The following RANBP2 variants were observed in gnomAD, a reference collection of about 807,000 sequenced individuals.
RANBP2 encodes the protein RAN binding protein 2.
In RANBP2, 57 loss-of-function variants were observed where a neutral mutation model predicts 303.6. The ratio of observed to expected loss-of-function variants is 0.19; its 90% confidence interval spans 0.15 to 0.23. The LOEUF (loss-of-function observed/expected upper bound fraction) is 0.23, where lower values mean the gene tolerates loss of function less well. RANBP2 is among the 10% of genes least tolerant of loss of function. The pLI is 1.00. For missense variants in RANBP2, 3,138 were observed against 3,780.8 expected (o/e 0.83, Z 4.46); for synonymous variants, 1,167 against 1,301.5 (o/e 0.90, Z 2.23).
At chr2:109,359,491 T>C in the RANBP2 span, among the ~76,000 whole-genome samples, 1 of 152,360 alleles carries the variant, frequency 6.6e-6, no homozygotes, top group South Asian at 2.1e-4. Context: ...ACATATTTTG[T>C]TACACTTATA....
the RANBP2 span, among the ~76,000 whole-genome samples, chr2:109,282,629 G>T: frequency 5.3e-5 from 8 of 152,334 alleles, no homozygotes; most frequent in African/African-American, 1.9e-4. Flanking sequence ...TCTCGCCTCC[G>T]TGGTGGGAGA....
the RANBP2 span, among the ~76,000 whole-genome samples, chr2:109,335,747 C>T: frequency 1.1e-4 from 16 of 152,346 alleles, no homozygotes; most frequent in East Asian, 9.6e-4. Flanking sequence ...CCACAAGTAA[C>T]GGGCACTCAT....
At chr2:109,130,163 G>A in the RANBP2 span, 1 of 1,261,812 alleles carries the variant, frequency 7.9e-7, no homozygotes, top group Non-Finnish European at 1.0e-6. Flanking sequence ...GAGTGTGTGG[G>A]TGGGTGCTTG....
chr2:109,266,268 A>G, the RANBP2 span, among the ~76,000 whole-genome samples: 177 of 149,968 alleles, frequency 1.2e-3, 1 homozygote, highest in Non-Finnish European at 2.4e-3. Context: ...TTGTGCGTGC[A>G]TGTGTTATTT....
chr2:109,644,326 G>A, the RANBP2 span, among the ~76,000 whole-genome samples: 1 of 151,990 alleles, frequency 6.6e-6, no homozygotes, highest in Non-Finnish European at 1.5e-5. Context: ...TCAGACTCCA[G>A]TCTCCTGCAC....
At chr2:109,039,828 C>A in the RANBP2 span, among the ~76,000 whole-genome samples, 1 of 151,690 alleles carries the variant, frequency 6.6e-6, no homozygotes, top group Non-Finnish European at 1.5e-5. Flanking sequence ...TTATGTGTAT[C>A]TTTTTTGTAA....
chr2:108,898,114 A>ATAATTGC, the RANBP2 span, among the ~76,000 whole-genome samples: 2 of 152,176 alleles, frequency 1.3e-5, no homozygotes, highest in Non-Finnish European at 2.9e-5. Flanking sequence ...CATTTAGACA[A>ATAATTGC]TAATTGCTCT....
the RANBP2 span, among the ~76,000 whole-genome samples, chr2:108,959,598 C>A: frequency 3.3e-5 from 5 of 152,256 alleles, no homozygotes; most frequent in Admixed American, 3.3e-4. Flanking sequence ...GGAGCTGGGG[C>A]CTCACACACC....
chr2:109,431,473 T>C, the RANBP2 span, among the ~76,000 whole-genome samples: 5 of 152,170 alleles, frequency 3.3e-5, no homozygotes, highest in African/African-American at 1.2e-4. Flanking sequence ...GGAAAAGATA[T>C]AGGTATAGTT....
At chr2:109,685,926 C>A in the RANBP2 span, among the ~76,000 whole-genome samples, 3 of 151,874 alleles carry the variant, frequency 2.0e-5, no homozygotes, top group Admixed American at 6.6e-5. Flanking sequence ...AAAACCCCCC[C>A]AAAAAACAAA....
At chr2:108,721,211 A>T (rs826538) in intron 1 of RANBP2, among the ~76,000 whole-genome samples, 39,281 of 152,110 alleles carry the variant, frequency 0.26, 5,437 homozygotes, top group African/African-American at 0.35. Flanking sequence ...ATACTTGTTC[A>T]GGGTCAAATA....
chr2:109,126,254 A>C, the RANBP2 span, among the ~76,000 whole-genome samples: 1 of 152,184 alleles, frequency 6.6e-6, no homozygotes, highest in Non-Finnish European at 1.5e-5. Flanking sequence ...TGGCAGGGGC[A>C]AAAGGGGTAA....
rs1558919669 is a variant in RANBP2 at position 108,764,096 on chromosome 2, C to G, written c.3557C>G (p.Thr1186Ser). ...CTTCCTGATAAGATTGAAGTAAAAACTGGTGAGGAAGATGAAGAAGAATTC... is the reference window on the plus strand; with the variant it reads ...CTTCCTGATAAGATTGAAGTAAAAAGTGGTGAGGAAGATGAAGAAGAATTC... ...VPLPDKIEVK[T>S]GEEDEEEFFC... The change falls in exon 20 of 29, where the codon ACT (threonine) becomes AGT (serine). Residue 1186 changes from threonine to serine, a missense_variant. Thr to Ser is a moderately conservative substitution (Grantham distance 58). Coordinates refer to ENST00000283195, the MANE Select transcript of RANBP2 (RefSeq NM_006267.5). 1 of 1,614,008 alleles carries G rather than the reference C, an allele frequency of 6.2e-7. No individual in the cohort carries two copies. The highest frequency in any genetic ancestry group is 8.5e-7 in the Non-Finnish European group (1 of 1,179,970).
the RANBP2 span, among the ~76,000 whole-genome samples, chr2:108,881,676 T>C: frequency 2.1e-4 from 32 of 152,292 alleles, no homozygotes; most frequent in East Asian, 1.3e-3. Flanking sequence ...AGGTTATTAA[T>C]TGGCCTAATT....
the RANBP2 span, among the ~76,000 whole-genome samples, chr2:109,664,307 T>A: frequency 1.3e-5 from 2 of 152,188 alleles, no homozygotes; most frequent in East Asian, 3.9e-4. Context: ...TAGCAAAGAT[T>A]CTTATAAAAA....
At chr2:109,512,342 T>C in the RANBP2 span, among the ~76,000 whole-genome samples, 3 of 152,078 alleles carry the variant, frequency 2.0e-5, no homozygotes, top group African/African-American at 7.2e-5. Flanking sequence ...CTCCTTCTTC[T>C]GATGCCCAGC....
At chr2:109,726,911 TG>T in the RANBP2 span, among the ~76,000 whole-genome samples, 1 of 152,204 alleles carries the variant, frequency 6.6e-6, no homozygotes, top group Non-Finnish European at 1.5e-5. Flanking sequence ...TGACATGCCC[TG>T]TTAATCAATT....
At chr2:109,454,528 C>A in the RANBP2 span, among the ~76,000 whole-genome samples, 3 of 152,214 alleles carry the variant, frequency 2.0e-5, no homozygotes, top group African/African-American at 7.2e-5. Flanking sequence ...AGCGCTCCCG[C>A]CGGCTGCCTG....
the RANBP2 span, among the ~76,000 whole-genome samples, chr2:109,121,307 T>C: frequency 6.6e-6 from 1 of 151,834 alleles, no homozygotes; most frequent in Non-Finnish European, 1.5e-5. Context: ...GAAGTGAAGT[T>C]CTACCTAACC....
Sources: allele counts gnomAD v4.1 joint callset (sites outside exome capture counted in the v4.1 genomes callset), GRCh38; gene constraint gnomAD v4.1.1; transcripts MANE v1.5; gene names NCBI Gene and HGNC (gene_info 2026-07-23, HGNC 2026-07-21).